Variants in R3HDM1 observed in about 807,000 individuals in gnomAD.
R3HDM1 encodes the protein R3H domain-containing protein 1.
R3HDM1 carries 46 observed loss-of-function variants against 141.1 expected under a neutral mutation model. That is an observed-to-expected ratio of 0.33 (90% CI 0.26 to 0.42). The LOEUF is 0.42. R3HDM1 is among the 10% of genes least tolerant of loss of function. The pLI is 1.00. For synonymous variants in R3HDM1, 435 were observed against 472.9 expected, an observed-to-expected ratio of 0.92 and a Z score of 1.04; for missense variants, 1,184 against 1,368.3, an observed-to-expected ratio of 0.87 and a Z score of 2.12.
intron 3 of R3HDM1, among the ~76,000 whole-genome samples, chr2:135,610,997 T>C (rs1443781987): frequency 6.6e-6 from 1 of 151,128 alleles, no homozygotes; most frequent in Non-Finnish European, 1.5e-5. Flanking sequence ...GTAGTCACAG[T>C]TGTTTGGGAG....
chr2:135,551,993 A>G (rs751232191), intron 1 of R3HDM1, among the ~76,000 whole-genome samples: 2 of 152,202 alleles, frequency 1.3e-5, no homozygotes, highest in African/African-American at 2.4e-5. Context: ...TGCAAAATTG[A>G]AAAGTTAGCA....
chr2:135,657,885 G>A (rs2066126476), intron 18 of R3HDM1, among the ~76,000 whole-genome samples: 1 of 152,200 alleles, frequency 6.6e-6, no homozygotes, highest in South Asian at 2.1e-4. Flanking sequence ...ATATGGTCAT[G>A]CATCATTTAA....
intron 19 of R3HDM1, among the ~76,000 whole-genome samples, chr2:135,664,695 G>A (rs2067236121): frequency 6.6e-6 from 1 of 152,182 alleles, no homozygotes; most frequent in African/African-American, 2.4e-5. Context: ...TACTGCTGGG[G>A]AAATGAATGT....
At chr2:135,649,417 A>T (rs1320016153) in intron 16 of R3HDM1, 1 of 152,010 alleles carries the variant, frequency 6.6e-6, no homozygotes, top group Non-Finnish European at 1.5e-5. Flanking sequence ...GCTTAATTTC[A>T]CCTTATCAGT....
intron 1 of R3HDM1, among the ~76,000 whole-genome samples, chr2:135,545,767 G>A (rs561424158): frequency 3.3e-5 from 5 of 152,300 alleles, no homozygotes; most frequent in South Asian, 2.1e-4. Context: ...CACTTGTGAC[G>A]TCTAAACACC....
intron 3 of R3HDM1, among the ~76,000 whole-genome samples, chr2:135,610,530 C>G (rs2060447113): frequency 6.6e-6 from 1 of 152,106 alleles, no homozygotes; most frequent in Non-Finnish European, 1.5e-5. Flanking sequence ...GTCTTGTATC[C>G]CTCAAGTTAA....
At chr2:135,714,195 G>T (rs531347852) in intron 23 of R3HDM1, among the ~76,000 whole-genome samples, 1 of 152,114 alleles carries the variant, frequency 6.6e-6, no homozygotes, top group African/African-American at 2.4e-5. Flanking sequence ...CAAAGCAGTC[G>T]AAGTAAATAT....
At chr2:135,712,717 C>G (rs1263743563) in intron 23 of R3HDM1, among the ~76,000 whole-genome samples, 2 of 151,376 alleles carry the variant, frequency 1.3e-5, no homozygotes, top group East Asian at 3.9e-4. Context: ...ATCAGGAGAT[C>G]GAGACCATCC....
At chr2:135,560,047 A>G (rs1701510900) in intron 1 of R3HDM1, among the ~76,000 whole-genome samples, 1 of 152,196 alleles carries the variant, frequency 6.6e-6, no homozygotes, top group Non-Finnish European at 1.5e-5. Context: ...CCAAATGACA[A>G]ATTTTCCCTG....
chr2:135,583,629 A>T, intron 1 of R3HDM1: 2 of 627,186 alleles, frequency 3.2e-6, no homozygotes, highest in Non-Finnish European at 4.0e-6. Flanking sequence ...GAGATGTGTT[A>T]AATTTCTTTT....
In R3HDM1 at chr2:135,661,334, C is replaced by T; in HGVS notation, c.2093C>T (p.Pro698Leu). 6.2e-7 allele frequency: 1 copy of T among 1,613,896 alleles called. No individual in the cohort carries two copies. Among genetic ancestry groups the T allele is most frequent in the South Asian group, 1.1e-5 (1 of 91,080 alleles). The change falls in exon 19 of 27, where the codon CCT (proline) becomes CTT (leucine). Residue 698 changes from proline to leucine, a missense_variant. Pro to Leu is a moderately conservative substitution (Grantham distance 98, BLOSUM62 -3). Transcript: ENST00000683871. ...AGCCAACCTCAGTATCGCCCAGTCC[C>T]TTCTGTTCATTACAATTCACATCTA... ...HSSQPQYRPV[P>L]SVHYNSHLNQ...
Position 135,566,795 on chromosome 2 carries a change from G to A in R3HDM1, c.-250+35162G>A, listed in dbSNP as rs902144791. Reference sequence around the variant, plus strand: ...GGTGGCTCACGCCTGTAATCATGGTGAAACCCCGTCTCTACAAAAATACGA... The same window carrying A: ...GGTGGCTCACGCCTGTAATCATGGTAAAACCCCGTCTCTACAAAAATACGA... On this transcript the variant is annotated intron_variant, in intron 1 of 26. Transcript: ENST00000683871. 14 of 984,000 alleles carry A rather than the reference G, an allele frequency of 1.4e-5. No individual in the cohort carries two copies. In the African/African-American group the frequency reaches 2.3e-4, roughly 16 times the overall value. The allele number at this position is 984,000 out of a possible 1,614,324, so 61.0% of individuals were successfully genotyped here.
At chr2:135,715,232 C>T (rs1208732856) in intron 23 of R3HDM1, among the ~76,000 whole-genome samples, 1 of 152,014 alleles carries the variant, frequency 6.6e-6, no homozygotes, top group Non-Finnish European at 1.5e-5. Flanking sequence ...GCCTGTAGTC[C>T]CAGCTACAGG....
intron 11 of R3HDM1, among the ~76,000 whole-genome samples, chr2:135,636,903 T>C (rs2063321283): frequency 6.6e-6 from 1 of 152,204 alleles, no homozygotes; most frequent in African/African-American, 2.4e-5. Context: ...TCCTAGGCAC[T>C]GGAGAACATA....
At chr2:135,656,752 C>A (rs982184025) in intron 18 of R3HDM1, among the ~76,000 whole-genome samples, 1 of 152,140 alleles carries the variant, frequency 6.6e-6, no homozygotes, top group Admixed American at 6.5e-5. Context: ...TACATTGCAT[C>A]TCTATATATT....
At chr2:135,665,255 T>C in intron 19 of R3HDM1, 1 of 327,354 alleles carries the variant, frequency 3.1e-6, no homozygotes, top group Non-Finnish European at 6.4e-6. Context: ...AGAAACTTTC[T>C]GCAGGTAGTA....
intron 15 of R3HDM1, among the ~76,000 whole-genome samples, chr2:135,642,423 G>A (rs988059705): frequency 2.6e-5 from 4 of 152,126 alleles, no homozygotes; most frequent in African/African-American, 9.7e-5. Context: ...ATATAACCTT[G>A]TTAGGTAGGT....
Position 135,724,285 on chromosome 2 carries a change from C to T in R3HDM1, c.3398C>T (p.Ser1133Phe), listed in dbSNP as rs2076983130. The change falls in exon 27 of 27, where the codon TCT becomes TTT. Residue 1133 changes from serine to phenylalanine, a missense_variant. Ser to Phe is a radical substitution (Grantham distance 155). This residue lies in a region of R3HDM1 where 182 missense variants were observed against 252.6 expected (regional missense o/e 0.72). Transcript: ENST00000683871. ...TTTCACATTTTGGAAAGGGCAAGTT[C>T]TCAGTAACAGCCACCTTTGGACCCT... The part of the protein sequence containing the change: ...YDFHILERAS[S>F]Q The T allele has an allele frequency of 6.2e-7, 1 of 1,605,600 alleles. No homozygotes were observed. Among genetic ancestry groups the T allele is most frequent in the Non-Finnish European group, 8.5e-7 (1 of 1,174,036 alleles).
intron 1 of R3HDM1, chr2:135,536,385 A>G (rs1221523253): frequency 8.3e-6 from 2 of 240,502 alleles, no homozygotes; most frequent in African/African-American, 4.6e-5. Flanking sequence ...GGGCGCAAGC[A>G]ATCCTCCTGC....
Sources: gnomAD v4.1 joint callset for allele counts (sites outside exome capture counted in the v4.1 genomes callset) on GRCh38, gnomAD v4.1.1 for gene constraint, gnomAD v4.1.1 regional missense constraint, MANE v1.5 for transcripts, NCBI Gene and HGNC (gene_info 2026-07-23, HGNC 2026-07-21) for gene names.